Variants in SCAMP1 observed in about 807,000 individuals in gnomAD.
SCAMP1 encodes the protein secretory carrier-associated membrane protein 1.
In SCAMP1, 15 loss-of-function variants were observed where a neutral mutation model predicts 41.8. The observed-to-expected ratio is 0.36, with a 90% confidence interval of 0.24 to 0.55. The LOEUF (loss-of-function observed/expected upper bound fraction) is 0.55. Among genes scored for constraint, SCAMP1 ranks in the 20% least tolerant of loss-of-function variants. SCAMP1 has a pLI of 0.86. For missense variants in SCAMP1, 341 were observed against 412.6 expected (o/e 0.83, Z 1.50); for synonymous variants, 135 against 136.8 (o/e 0.99, Z 0.09).
At chr5:78,424,504 C>T (rs1414622173) in intron 6 of SCAMP1, among the ~76,000 whole-genome samples, 1 of 152,012 alleles carries the variant, frequency 6.6e-6, no homozygotes, top group Non-Finnish European at 1.5e-5. Flanking sequence ...CAGAGGCTGG[C>T]GGATCACATG....
Position 78,388,830 on chromosome 5 carries a change from ATTCTAGGATCCATC to A in SCAMP1, c.58-6_65del, listed in dbSNP as rs1751413330. The A allele has an allele frequency of 6.9e-7, 1 of 1,457,198 alleles. No homozygotes were observed. The highest frequency in any genetic ancestry group is 9.5e-7 in the Non-Finnish European group (1 of 1,051,464). 90.3% of individuals were successfully genotyped at this position (1,457,198 alleles called of 1,614,324 possible). On this transcript the variant is annotated splice_acceptor_variant and splice_polypyrimidine_tract_variant and coding_sequence_variant and intron_variant, in exon 2 of 9. Transcript: ENST00000621999. LOFTEE classifies it high-confidence loss of function. ...ATCTTTTTTTTCTCCTTTGAATTTT[ATTCTAGGATCCATC>A]AGTTACACAAGTGACAAGAAATGTT...
rs1459979474 is a variant in SCAMP1, at chr5:78,460,792, C to T, written c.852+1430C>T. ...TCCTTCCTTCCTTCCTTCCTTCCTT[C>T]CTTCCTTCCTTCCTCCCTTCCTTCC... On this transcript the variant is annotated intron_variant, in intron 8 of 8. Coordinates refer to ENST00000621999, the MANE Select transcript of SCAMP1 (RefSeq NM_004866.6). Among the ~76,000 whole-genome samples the T allele has an allele frequency of 4.7e-3, 164 of 34,610 alleles. 18 individuals are homozygous for T. The highest frequency in any genetic ancestry group is 0.017 in the African/African-American group (92 of 5,436). The allele number at this position is 34,610 out of a possible 152,430, so 22.7% of individuals were successfully genotyped here. A position where few individuals can be genotyped will look rare whatever the true frequency, so the allele number is the denominator to read the frequency against.
rs572047747 is a variant in SCAMP1 at position 78,477,203 on chromosome 5, C to G, written c.*1535C>G. The G allele has an allele frequency of 1.2e-4, 19 of 152,166 alleles. No homozygotes were observed. The highest frequency in any genetic ancestry group is 3.4e-4 in the African/African-American group (14 of 41,454). The allele number at this position is 152,166 out of a possible 1,614,324, so 9.4% of individuals were successfully genotyped here. ...CTAGAGGTGGGATGCCAAGTTTTCA[C>G]TATCCATGAAGCAGCGCTGCATGTC... On this transcript the variant is annotated 3_prime_UTR_variant, in exon 9 of 9. Transcript: ENST00000621999.
chr5:78,456,642 T>C (rs1391539708), intron 7 of SCAMP1, among the ~76,000 whole-genome samples: 8 of 150,684 alleles, frequency 5.3e-5, no homozygotes, highest in Middle Eastern at 3.4e-3. Flanking sequence ...TCAACTTTGG[T>C]GAATCTGACA....
chr5:78,449,257 C>A (rs1314232058), intron 6 of SCAMP1, among the ~76,000 whole-genome samples: 1 of 152,014 alleles, frequency 6.6e-6, no homozygotes, highest in Non-Finnish European at 1.5e-5. Context: ...ACTGTCCCAA[C>A]AGTGAATGAA....
chr5:78,439,488 G>A (rs1203930882), intron 6 of SCAMP1, among the ~76,000 whole-genome samples: 3 of 151,944 alleles, frequency 2.0e-5, no homozygotes, highest in African/African-American at 7.3e-5. Flanking sequence ...TAGTTTGGCT[G>A]GATATGAAAT....
intron 6 of SCAMP1, among the ~76,000 whole-genome samples, chr5:78,440,739 C>G (rs1267984023): frequency 6.6e-6 from 1 of 152,240 alleles, no homozygotes; most frequent in East Asian, 1.9e-4. Context: ...TCAAAGCTGT[C>G]AGACAGGGAC....
At chr5:78,460,520 C>G (rs1753557414) in intron 8 of SCAMP1, among the ~76,000 whole-genome samples, 2 of 151,760 alleles carry the variant, frequency 1.3e-5, no homozygotes, top group Admixed American at 1.3e-4. Flanking sequence ...GAGTTTTCTT[C>G]CATTTGTTGG....
At chr5:78,425,953 C>T (rs1231495358) in intron 6 of SCAMP1, among the ~76,000 whole-genome samples, 2 of 151,538 alleles carry the variant, frequency 1.3e-5, no homozygotes, top group Non-Finnish European at 2.9e-5. Context: ...CCTTGCCCCC[C>T]ACCCCTGACA....
intron 6 of SCAMP1, among the ~76,000 whole-genome samples, chr5:78,427,046 T>C (rs904687375): frequency 3.3e-5 from 5 of 152,214 alleles, no homozygotes; most frequent in African/African-American, 1.2e-4. Flanking sequence ...TTCATATTTG[T>C]TGCTCTAAAG....
chr5:78,439,399 A>G (rs912335011), intron 6 of SCAMP1, among the ~76,000 whole-genome samples: 34 of 149,430 alleles, frequency 2.3e-4, no homozygotes, highest in African/African-American at 8.2e-4. Context: ...AGCTCTTGTA[A>G]GGCAGGCCTA....
intron 2 of SCAMP1, among the ~76,000 whole-genome samples, chr5:78,401,114 T>C (rs1008601353): frequency 6.6e-6 from 1 of 152,176 alleles, no homozygotes; most frequent in Non-Finnish European, 1.5e-5. Context: ...TTTTTCTTTT[T>C]TAGCCTATTG....
At chr5:78,428,659 C>A (rs1025090422) in intron 6 of SCAMP1, among the ~76,000 whole-genome samples, 1 of 151,934 alleles carries the variant, frequency 6.6e-6, no homozygotes, top group East Asian at 1.9e-4. Context: ...AAAATAAAAA[C>A]CCTGCTGTGA....
At chr5:78,405,283 T>C (rs975651346) in intron 2 of SCAMP1, among the ~76,000 whole-genome samples, 1 of 152,214 alleles carries the variant, frequency 6.6e-6, no homozygotes, top group Admixed American at 6.5e-5. Context: ...TAAAATAGCC[T>C]TTAATCTGAT....
chr5:78,400,302 A>G (rs532795590), intron 2 of SCAMP1, among the ~76,000 whole-genome samples: 3 of 152,192 alleles, frequency 2.0e-5, no homozygotes, highest in East Asian at 1.9e-4. Context: ...AGTAGTGTCA[A>G]TCTTCCAACT....
At chr5:78,392,034 GGAGACCGTGGAAA>G (rs1751527743) in intron 2 of SCAMP1, among the ~76,000 whole-genome samples, 2 of 1,616 alleles carry the variant, frequency 1.2e-3, no homozygotes, top group Admixed American at 7.6e-3. Context: ...AGAGGGAGAG[GGAGACCGTGGAAA>G]GAGAGGGAGA....
At chr5:78,451,389 G>C (rs1196696993) in intron 7 of SCAMP1, among the ~76,000 whole-genome samples, 2 of 152,116 alleles carry the variant, frequency 1.3e-5, no homozygotes, top group Non-Finnish European at 2.9e-5. Flanking sequence ...CCAAGATCTT[G>C]ACATTGATAG....
At chr5:78,405,069 T>A (rs1751898579) in intron 2 of SCAMP1, among the ~76,000 whole-genome samples, 1 of 152,246 alleles carries the variant, frequency 6.6e-6, no homozygotes, top group Non-Finnish European at 1.5e-5. Flanking sequence ...ATTGACCTAT[T>A]TCTGCAGTCA....
intron 1 of SCAMP1, among the ~76,000 whole-genome samples, chr5:78,365,246 G>A (rs538792566): frequency 2.0e-5 from 3 of 151,904 alleles, no homozygotes; most frequent in South Asian, 2.1e-4. Flanking sequence ...AGGCTGAGGC[G>A]GGCGAATCAC....
Sources: gnomAD v4.1 joint callset for allele counts (sites outside exome capture counted in the v4.1 genomes callset) on GRCh38, gnomAD v4.1.1 for gene constraint, MANE v1.5 for transcripts, NCBI Gene and HGNC (gene_info 2026-07-23, HGNC 2026-07-21) for gene names.